ASAP1: variants seen among roughly 807,000 people sequenced by gnomAD.
ASAP1 encodes the protein arf-GAP with SH3 domain, ANK repeat and PH domain-containing protein 1.
Under a neutral mutation model 145.2 loss-of-function variants are expected in ASAP1, and 43 were observed. The observed-to-expected ratio is 0.30, with a 90% CI of 0.23 to 0.38. The LOEUF is 0.38. ASAP1 is among the 10% of genes least tolerant of loss of function. ASAP1 has a pLI of 1.00. For missense variants in ASAP1, 1,018 were observed against 1,355.3 expected, an observed-to-expected ratio of 0.75 and a Z score of 3.91; for synonymous variants, 546 against 515.5, an observed-to-expected ratio of 1.06 and a Z score of -0.80.
intron 4 of ASAP1, among the ~76,000 whole-genome samples, chr8:130,220,773 C>G (rs1360753406): frequency 1.3e-5 from 2 of 152,066 alleles, no homozygotes; most frequent in African/African-American, 4.8e-5. Context: ...CTGAGGAGGG[C>G]CTCAGGAAAC....
At chr8:130,288,820 G>A (rs1023197833) in intron 3 of ASAP1, among the ~76,000 whole-genome samples, 1 of 152,212 alleles carries the variant, frequency 6.6e-6, no homozygotes, top group African/African-American at 2.4e-5. Flanking sequence ...AAATAACAAT[G>A]TCCAATGATG....
chr8:130,418,595 G>GTT (rs1356252901), intron 1 of ASAP1, among the ~76,000 whole-genome samples: 2 of 151,734 alleles, frequency 1.3e-5, no homozygotes, highest in African/African-American at 4.8e-5. Context: ...CAATTCAATG[G>GTT]TTTTTAGCAT....
chr8:130,082,442 T>A (rs2097482720), intron 25 of ASAP1, among the ~76,000 whole-genome samples: 1 of 151,646 alleles, frequency 6.6e-6, no homozygotes, highest in Non-Finnish European at 1.5e-5. Context: ...GACCAACTGA[T>A]CCTCCCACCT....
intron 9 of ASAP1, among the ~76,000 whole-genome samples, chr8:130,178,040 C>T (rs374029385): frequency 6.6e-5 from 10 of 152,146 alleles, no homozygotes; most frequent in Admixed American, 6.6e-4. Context: ...TTGTCTAACC[C>T]AAGCTTTGTG....
chr8:130,121,995 C>T (rs79272541), intron 18 of ASAP1, among the ~76,000 whole-genome samples: 2,062 of 152,170 alleles, frequency 0.014, 33 homozygotes, highest in Non-Finnish European at 0.018. Context: ...CATCTTCCTT[C>T]ATGACATAGC....
chr8:130,112,065 G>A (rs1486402409), intron 24 of ASAP1, 29 bp downstream of exon 24: 1 of 1,586,958 alleles, frequency 6.3e-7, no homozygotes, highest in African/African-American at 1.3e-5. Flanking sequence ...TTCGAGGATG[G>A]AGTCACAAGC....
intron 25 of ASAP1, chr8:130,083,059 A>G (rs560486173): frequency 3.3e-5 from 5 of 152,366 alleles, no homozygotes; most frequent in African/African-American, 1.2e-4. Context: ...TGCAGGTTGC[A>G]TGTGCTATAC....
chr8:130,209,347 A>G (rs761158834), intron 5 of ASAP1, among the ~76,000 whole-genome samples: 27 of 152,332 alleles, frequency 1.8e-4, no homozygotes, highest in Non-Finnish European at 2.9e-4. Context: ...TTCTCAAAGT[A>G]TGGCGCCTAG....
intron 2 of ASAP1, among the ~76,000 whole-genome samples, chr8:130,372,749 C>G (rs1827269905): frequency 1.3e-5 from 2 of 152,164 alleles, no homozygotes; most frequent in African/African-American, 4.8e-5. Flanking sequence ...GGCAAAAATT[C>G]TGGTTTTATT....
chr8:130,393,172 T>C (rs571666260), intron 2 of ASAP1, among the ~76,000 whole-genome samples: 1 of 152,330 alleles, frequency 6.6e-6, no homozygotes, highest in Admixed American at 6.5e-5. Flanking sequence ...ATCTTGTTTG[T>C]AGCGGTTTAC....
chr8:130,175,628 A>G (rs1374629895), intron 9 of ASAP1, among the ~76,000 whole-genome samples: 2 of 152,150 alleles, frequency 1.3e-5, no homozygotes, highest in Admixed American at 6.6e-5. Flanking sequence ...TACTTTCTTG[A>G]TAATATACTT....
In ASAP1 at chr8:130,169,533, T is replaced by C. The variant is rs533821965; in HGVS notation, c.747-466A>G. On this transcript the variant is annotated intron_variant, in intron 9 of 29. Coordinates refer to ENST00000518721, the MANE Select transcript of ASAP1 (RefSeq NM_018482.4). ...AAGGCAGGAGAAAAGTCAAAATTCA[T>C]TCAGTTCCTCAAAGATCCCTGTGTT... is the stretch of plus-strand genomic sequence containing the variant. Among the ~76,000 whole-genome samples the C allele has an allele frequency of 4.6e-5, 7 of 152,344 alleles. No individual in the cohort carries two copies. In the South Asian group the frequency reaches 1.5e-3, roughly 32 times the overall value.
chr8:130,401,134 G>A (rs551766162), intron 2 of ASAP1, among the ~76,000 whole-genome samples: 52 of 152,082 alleles, frequency 3.4e-4, no homozygotes, highest in African/African-American at 9.4e-4. Context: ...CTCCCGCCTC[G>A]GCCTCCCAAA....
At chr8:130,144,880 T>C (rs1016660897) in intron 13 of ASAP1, among the ~76,000 whole-genome samples, 4 of 152,188 alleles carry the variant, frequency 2.6e-5, no homozygotes, top group Non-Finnish European at 4.4e-5. Context: ...AATGTATGTA[T>C]ATGTGAGAAA....
chr8:130,275,074 T>C (rs1302396107), intron 3 of ASAP1, among the ~76,000 whole-genome samples: 1 of 152,224 alleles, frequency 6.6e-6, no homozygotes, highest in African/African-American at 2.4e-5. Context: ...AGAGTCTTCA[T>C]CTGTGAAACA....
At chr8:130,194,982 C>T (rs1815383043) in intron 5 of ASAP1, 1 of 152,176 alleles carries the variant, frequency 6.6e-6, no homozygotes, top group Admixed American at 6.5e-5. Flanking sequence ...TATCAGTAAA[C>T]TTCCTGTATG....
chr8:130,281,939 G>T (rs1178281231), intron 3 of ASAP1, among the ~76,000 whole-genome samples: 1 of 152,040 alleles, frequency 6.6e-6, no homozygotes, highest in Non-Finnish European at 1.5e-5. Flanking sequence ...GGTGGCGGGT[G>T]CCTGTAATCC....
chr8:130,220,941 G>A (rs1817255901), intron 4 of ASAP1, among the ~76,000 whole-genome samples: 1 of 152,064 alleles, frequency 6.6e-6, no homozygotes, highest in Non-Finnish European at 1.5e-5. Flanking sequence ...CAGCATGGGG[G>A]AACCACCCCC....
At chr8:130,120,852 T>C (rs1042594039) in intron 18 of ASAP1, among the ~76,000 whole-genome samples, 1 of 152,196 alleles carries the variant, frequency 6.6e-6, no homozygotes, top group Non-Finnish European at 1.5e-5. Context: ...CAATTTAATG[T>C]TTTCTGACAC....
Sources: gnomAD v4.1 joint callset for allele counts (sites outside exome capture counted in the v4.1 genomes callset) on GRCh38, gnomAD v4.1.1 for gene constraint, MANE v1.5 for transcripts, NCBI Gene and HGNC (gene_info 2026-07-23, HGNC 2026-07-21) for gene names.